Variants in STARD13 observed in about 807,000 individuals in gnomAD.
STARD13 encodes the protein stAR-related lipid transfer protein 13.
STARD13 carries 62 observed loss-of-function variants against 106.4 expected under a neutral mutation model. The ratio of observed to expected loss-of-function variants is 0.58; its 90% CI spans 0.48 to 0.72. The LOEUF is 0.72. Ranked by LOEUF, STARD13 falls within the 30% of genes least tolerant of loss-of-function variation. The pLI, the probability that STARD13 is intolerant of heterozygous loss-of-function variation, is 0.00. For missense variants in STARD13, 1,387 were observed against 1,424.0 expected, an observed-to-expected ratio of 0.97 and a Z score of 0.42; for synonymous variants, 565 against 553.0, an observed-to-expected ratio of 1.02 and a Z score of -0.31.
At position 33,190,267 on chromosome 13, in the gene STARD13, C is replaced by CA. The variant is rs1033122914; in HGVS notation, c.170-22646dup. 3.6e-4 allele frequency among the ~76,000 whole-genome samples: 54 copies of CA among 150,328 alleles called. 1 individual carries two copies. Among genetic ancestry groups the CA allele is most frequent in the Admixed American group, 1.3e-3 (20 of 15,094 alleles). ...AGAACACAATGAAACTCTGTCTCTA[C>CA]AAAAAAAAATGAAAAGAATTTAGCC... On this transcript the variant is annotated intron_variant, in intron 1 of 13. Transcript: ENST00000336934.
the STARD13 span, among the ~76,000 whole-genome samples, chr13:33,549,807 A>G: frequency 6.6e-6 from 1 of 152,102 alleles, no homozygotes. Context: ...CTCATGTGAC[A>G]TATAGAAACC....
the STARD13 span, among the ~76,000 whole-genome samples, chr13:33,477,407 C>A: frequency 6.6e-6 from 1 of 152,206 alleles, no homozygotes; most frequent in Non-Finnish European, 1.5e-5. Context: ...AGCCACATCA[C>A]CCCAACAATA....
chr13:33,551,935 G>C, the STARD13 span, among the ~76,000 whole-genome samples: 1 of 151,994 alleles, frequency 6.6e-6, no homozygotes, highest in Admixed American at 6.6e-5. Context: ...TAGTCTGAAA[G>C]TTAAAAGGAT....
At chr13:33,118,418 G>A (rs1467482074) in intron 7 of STARD13, among the ~76,000 whole-genome samples, 155 bp from the exon 8 acceptor site, 2 of 152,170 alleles carry the variant, frequency 1.3e-5, no homozygotes, top group African/African-American at 4.8e-5. Flanking sequence ...CCCGAACACT[G>A]TCTTCCTCTC....
chr13:33,335,232 G>A (rs2077882151), intron 1 of STARD13: 1 of 152,198 alleles, frequency 6.6e-6, no homozygotes, highest in Non-Finnish European at 1.5e-5. Context: ...TTAAACCACT[G>A]TTATATTACA....
chr13:33,319,385 G>C (rs190845356), intron 1 of STARD13, among the ~76,000 whole-genome samples: 1 of 152,172 alleles, frequency 6.6e-6, no homozygotes, highest in African/African-American at 2.4e-5. Flanking sequence ...GGAGGGAGGG[G>C]AAATACAGCA....
At chr13:33,159,135 C>G (rs1420094209) in intron 3 of STARD13, among the ~76,000 whole-genome samples, 1 of 152,136 alleles carries the variant, frequency 6.6e-6, no homozygotes, top group African/African-American at 2.4e-5. Flanking sequence ...GTATTGCAGC[C>G]TTATTCCACG....
At chr13:33,644,274 C>A in the STARD13 span, among the ~76,000 whole-genome samples, 1,153 of 152,280 alleles carry the variant, frequency 7.6e-3, 6 homozygotes, top group Non-Finnish European at 0.013. Flanking sequence ...ATCTTTCTAG[C>A]CTAATTTCTT....
At chr13:33,238,592 T>A (rs1889312363) in intron 1 of STARD13, among the ~76,000 whole-genome samples, 1 of 152,126 alleles carries the variant, frequency 6.6e-6, no homozygotes, top group Non-Finnish European at 1.5e-5. Flanking sequence ...AAAGAAAGTT[T>A]CAGTTTTAGG....
chr13:33,358,288 C>G, the STARD13 span, among the ~76,000 whole-genome samples: 3 of 152,198 alleles, frequency 2.0e-5, no homozygotes, highest in Non-Finnish European at 4.4e-5. Flanking sequence ...CCTGTGCAGC[C>G]CGAGCCTCCC....
chr13:33,591,702 A>G, the STARD13 span, among the ~76,000 whole-genome samples: 1 of 152,210 alleles, frequency 6.6e-6, no homozygotes, highest in African/African-American at 2.4e-5. Flanking sequence ...ATGGCTGTGC[A>G]TTTGGGGAGT....
the STARD13 span, among the ~76,000 whole-genome samples, chr13:33,422,798 AC>A: frequency 1.3e-5 from 2 of 152,180 alleles, no homozygotes; most frequent in African/African-American, 4.8e-5. Context: ...CCACACATCT[AC>A]AACCATCTGA....
the STARD13 span, among the ~76,000 whole-genome samples, chr13:33,552,467 C>T: frequency 6.6e-6 from 1 of 152,110 alleles, no homozygotes; most frequent in South Asian, 2.1e-4. Context: ...AAATGAGAAA[C>T]CACCAACAGA....
At chr13:33,412,190 A>G in the STARD13 span, among the ~76,000 whole-genome samples, 6 of 152,210 alleles carry the variant, frequency 3.9e-5, no homozygotes, top group Non-Finnish European at 5.9e-5. Flanking sequence ...ATCTTCCATA[A>G]TAAAAATGGA....
chr13:33,314,041 T>C (rs1893238138), intron 1 of STARD13, among the ~76,000 whole-genome samples: 1 of 152,164 alleles, frequency 6.6e-6, no homozygotes, highest in Non-Finnish European at 1.5e-5. Flanking sequence ...ACATGCCATC[T>C]GTAACTGCCA....
At chr13:33,374,946 T>C in the STARD13 span, among the ~76,000 whole-genome samples, 2 of 152,202 alleles carry the variant, frequency 1.3e-5, no homozygotes, top group African/African-American at 4.8e-5. Context: ...GAAATGGTGA[T>C]GCCAATTCCA....
chr13:33,443,454 C>A, the STARD13 span, among the ~76,000 whole-genome samples: 1 of 36,224 alleles, frequency 2.8e-5, no homozygotes, highest in Admixed American at 4.1e-4. Flanking sequence ...AAAGGGTCCC[C>A]CCCCCAAAAA....
the STARD13 span, among the ~76,000 whole-genome samples, chr13:33,528,913 G>T: frequency 6.6e-6 from 1 of 152,108 alleles, no homozygotes; most frequent in African/African-American, 2.4e-5. Flanking sequence ...TGTAAAGAGG[G>T]TAACTTGTGA....
the STARD13 span, among the ~76,000 whole-genome samples, chr13:33,506,060 C>G: frequency 1.1e-4 from 16 of 152,158 alleles, no homozygotes; most frequent in African/African-American, 3.6e-4. Context: ...TCACTGTACT[C>G]TTCAGTGACA....
Sources: gnomAD v4.1 joint callset for allele counts (sites outside exome capture counted in the v4.1 genomes callset) on GRCh38, gnomAD v4.1.1 for gene constraint, MANE v1.5 for transcripts, NCBI Gene and HGNC (gene_info 2026-07-23, HGNC 2026-07-21) for gene names.